The following CSMD1 variants were observed in gnomAD, a reference collection of about 807,000 sequenced individuals.
CSMD1 encodes the protein CUB and sushi domain-containing protein 1.
A neutral mutation model predicts 417.5 loss-of-function variants in CSMD1; 213 were observed. That is an observed-to-expected ratio of 0.51 (90% confidence interval 0.46 to 0.57). The LOEUF is 0.57. CSMD1 is among the 20% of genes least tolerant of loss of function. CSMD1 has a pLI of 0.00. For synonymous variants in CSMD1, 2,862 were observed against 1,736.8 expected (o/e 1.65, Z -16.11); for missense variants, 6,923 against 4,529.7 (o/e 1.53, Z -15.17).
intron 3 of CSMD1, among the ~76,000 whole-genome samples, chr8:4,210,648 AG>A (rs1443200747): frequency 3.3e-5 from 5 of 152,192 alleles, no homozygotes; most frequent in Admixed American, 6.5e-5. Context: ...CAATTAGCCA[AG>A]AAAAAAAAAC....
chr8:4,366,846 T>C (rs1023522424), intron 3 of CSMD1, among the ~76,000 whole-genome samples: 1 of 152,140 alleles, frequency 6.6e-6, no homozygotes, highest in African/African-American at 2.4e-5. Flanking sequence ...TTGTTTATCT[T>C]CTTTTGAGAA....
intron 5 of CSMD1, among the ~76,000 whole-genome samples, chr8:3,966,150 A>C (rs780128825): frequency 6.6e-6 from 1 of 152,210 alleles, no homozygotes; most frequent in South Asian, 2.1e-4. Context: ...ATAATATCTC[A>C]GTTAATAGGA....
rs780303870 is a variant in CSMD1, at chr8:4,345,771, G to C, written c.415+74182C>G. On this transcript the variant is annotated intron_variant, in intron 3 of 69. Coordinates refer to ENST00000635120, the MANE Select transcript of CSMD1 (RefSeq NM_033225.6). ...TATAATGTGCTATCATCTCAACCCCGTTAAAATGCTAATTCTTCCACAAAA... is the reference window on the plus strand; with the variant it reads ...TATAATGTGCTATCATCTCAACCCCCTTAAAATGCTAATTCTTCCACAAAA... Among the ~76,000 whole-genome samples the C allele has an allele frequency of 1.1e-4, 17 of 152,126 alleles. 1 individual carries two copies. The highest frequency in any genetic ancestry group is 8.5e-4 in the Admixed American group (13 of 15,252).
intron 5 of CSMD1, among the ~76,000 whole-genome samples, chr8:3,932,536 G>A (rs1017095703): frequency 1.3e-5 from 2 of 150,522 alleles, no homozygotes; most frequent in African/African-American, 2.5e-5. Flanking sequence ...AATCAATCAA[G>A]CCCCACAATT....
At chr8:3,570,896 T>G (rs182388910) in intron 10 of CSMD1, among the ~76,000 whole-genome samples, 1 of 152,318 alleles carries the variant, frequency 6.6e-6, no homozygotes, top group Non-Finnish European at 1.5e-5. Flanking sequence ...TCTAAGCTTC[T>G]TTTTAGATAG....
At chr8:4,599,359 G>A (rs1022257069) in intron 2 of CSMD1, among the ~76,000 whole-genome samples, 1 of 151,952 alleles carries the variant, frequency 6.6e-6, no homozygotes, top group Non-Finnish European at 1.5e-5. Context: ...GGTCACCCTG[G>A]AAGAATTTTT....
chr8:3,478,917 C>T (rs1817580635), intron 11 of CSMD1, among the ~76,000 whole-genome samples: 2 of 152,126 alleles, frequency 1.3e-5, no homozygotes, highest in African/African-American at 4.8e-5. Flanking sequence ...CTTCCCCACC[C>T]AGACACAGCG....
intron 3 of CSMD1, among the ~76,000 whole-genome samples, chr8:4,239,242 C>T (rs1259598234): frequency 2.0e-5 from 3 of 152,138 alleles, no homozygotes; most frequent in Non-Finnish European, 4.4e-5. Flanking sequence ...CTCAGAATTC[C>T]ATTACAGTGG....
intron 3 of CSMD1, among the ~76,000 whole-genome samples, chr8:4,227,425 C>T (rs556949806): frequency 6.6e-6 from 1 of 152,160 alleles, no homozygotes; most frequent in Non-Finnish European, 1.5e-5. Flanking sequence ...TTATAAGAAC[C>T]CTATGGTCAA....
chr8:2,953,484 A>C (rs919924775), intron 65 of CSMD1, among the ~76,000 whole-genome samples: 3 of 151,474 alleles, frequency 2.0e-5, no homozygotes, highest in African/African-American at 7.2e-5. Flanking sequence ...TTAAAACCTG[A>C]ATAAAGAAAG....
chr8:3,867,642 T>A (rs79074484), intron 5 of CSMD1, among the ~76,000 whole-genome samples: 12,017 of 152,122 alleles, frequency 0.079, 533 homozygotes, highest in South Asian at 0.15. Context: ...TATATCTATA[T>A]CTATGTATAG....
At chr8:3,365,333 T>C (rs1222236291) in intron 20 of CSMD1, among the ~76,000 whole-genome samples, 1 of 152,146 alleles carries the variant, frequency 6.6e-6, no homozygotes, top group Non-Finnish European at 1.5e-5. Context: ...CTAGGTAGAA[T>C]TAGAGGGAGT....
chr8:3,946,591 C>A (rs1355094822), intron 5 of CSMD1, among the ~76,000 whole-genome samples: 1 of 152,098 alleles, frequency 6.6e-6, no homozygotes, highest in African/African-American at 2.4e-5. Flanking sequence ...ATGATACATC[C>A]TTTTGGGCTC....
intron 2 of CSMD1, among the ~76,000 whole-genome samples, chr8:4,499,907 G>A (rs1254905949): frequency 6.6e-6 from 1 of 152,194 alleles, no homozygotes; most frequent in Non-Finnish European, 1.5e-5. Context: ...TGCCACAGAT[G>A]TGATGGCTGA....
At chr8:4,163,407 G>C in intron 3 of CSMD1, among the ~76,000 whole-genome samples, 1 of 152,116 alleles carries the variant, frequency 6.6e-6, no homozygotes, top group East Asian at 1.9e-4. Context: ...CATTGTTGGT[G>C]TTATGGATTT....
intron 2 of CSMD1, among the ~76,000 whole-genome samples, chr8:4,565,521 G>A (rs1258457765): frequency 2.0e-5 from 3 of 151,968 alleles, no homozygotes; most frequent in South Asian, 2.1e-4. Context: ...GCGATCACAA[G>A]GTCAGGTGTT....
intron 12 of CSMD1, among the ~76,000 whole-genome samples, chr8:3,413,523 T>G (rs944613298): frequency 6.6e-6 from 1 of 152,204 alleles, no homozygotes; most frequent in African/African-American, 2.4e-5. Context: ...CGGTCCAAAC[T>G]CAGTAGGTTT....
intron 26 of CSMD1, among the ~76,000 whole-genome samples, chr8:3,275,995 G>A (rs1302121612): frequency 6.6e-6 from 1 of 152,182 alleles, no homozygotes; most frequent in Admixed American, 6.5e-5. Flanking sequence ...TTTGGAGGAG[G>A]AGAGGCACTC....
intron 2 of CSMD1, among the ~76,000 whole-genome samples, chr8:4,518,170 G>C (rs1377628285): frequency 3.3e-5 from 5 of 152,124 alleles, no homozygotes; most frequent in Non-Finnish European, 7.4e-5. Context: ...AGAAGACAGA[G>C]TATGGCACGA....
Sources: allele counts gnomAD v4.1 joint callset (sites outside exome capture counted in the v4.1 genomes callset), GRCh38; gene constraint gnomAD v4.1.1; transcripts MANE v1.5; gene names NCBI Gene and HGNC (gene_info 2026-07-23, HGNC 2026-07-21).